Variants in CYP39A1 observed in about 807,000 individuals in gnomAD.
CYP39A1 encodes the protein 24-hydroxycholesterol 7-alpha-hydroxylase.
In CYP39A1, 49 loss-of-function variants were observed where a neutral mutation model predicts 58.1. That is an observed-to-expected ratio of 0.84 (90% CI 0.67 to 1.07). The LOEUF is 1.07. Among genes scored for constraint, CYP39A1 ranks in the 50% least tolerant of loss-of-function variants. The pLI, the probability that CYP39A1 is intolerant of heterozygous loss-of-function variation, is 0.00. For missense variants in CYP39A1, 531 were observed against 539.4 expected, an observed-to-expected ratio of 0.98 and a Z score of 0.16; for synonymous variants, 209 against 187.6, an observed-to-expected ratio of 1.11 and a Z score of -0.93.
At chr6:46,650,791 C>A (rs978893840) in intron 1 of CYP39A1, among the ~76,000 whole-genome samples, 5 of 152,078 alleles carry the variant, frequency 3.3e-5, no homozygotes, top group African/African-American at 1.2e-4. Context: ...GTTGGGATTA[C>A]AGGTGTGAGA....
At position 46,637,856 on chromosome 6, in the gene CYP39A1, C is replaced by T. The variant is rs140524444; in HGVS notation, c.611G>A (p.Gly204Glu). The part of the protein sequence containing the change: ...FQVYDEDFEY[G>E]SQLPECLLRN... ...TAGAAGACACTCTGGCAACTGGGAC[C>T]CATACTCAAAATCTTCATCATAAAC... Residue 204 changes from glycine (G) to glutamate (E), a missense_variant, in exon 4 of 12, where the codon GGG (glycine) becomes GAG (glutamate). Transcript: ENST00000275016. The T allele has an allele frequency of 7.8e-5, 126 of 1,612,250 alleles. No homozygotes were observed. The East Asian group carries it at 2.7e-3, about 35-fold the overall frequency.
Position 46,605,573 on chromosome 6 carries a change from G to A in CYP39A1, c.932-9453C>T, listed in dbSNP as rs73469126. On this transcript the variant is annotated intron_variant, in intron 7 of 11. Coordinates refer to ENST00000275016, the MANE Select transcript of CYP39A1 (RefSeq NM_016593.5). Reference sequence around the variant, plus strand: ...CAGAAAACGTGGCAGACACGCAGAAGGGAAAGAGTTTAGAAATTGCAAAAT... The same window carrying A: ...CAGAAAACGTGGCAGACACGCAGAAAGGAAAGAGTTTAGAAATTGCAAAAT... Among the ~76,000 whole-genome samples the A allele has an allele frequency of 6.3e-3, 965 of 152,258 alleles. 12 individuals carry two copies. The highest frequency in any genetic ancestry group is 0.022 in the African/African-American group (900 of 41,558).
intron 1 of CYP39A1, among the ~76,000 whole-genome samples, chr6:46,648,025 A>G (rs1762437415): frequency 6.6e-6 from 1 of 152,188 alleles, no homozygotes; most frequent in African/African-American, 2.4e-5. Context: ...GGTGCTGGAG[A>G]GCATGTGGAG....
rs79934798 is a variant in CYP39A1, at chr6:46,639,826, T to C, written c.314-158A>G. ...AATAAAAGTAGATAAAGATTCAACC[T>C]ATTCTCGACTGAGTGTGGTGGCTCA... On this transcript the variant is annotated intron_variant, in intron 2 of 11. Transcript: ENST00000275016. 7.5e-3 allele frequency among the ~76,000 whole-genome samples: 1,138 copies of C among 152,334 alleles called. 12 individuals are homozygous for C. Among genetic ancestry groups the C allele is most frequent in the African/African-American group, 0.025 (1,060 of 41,570 alleles).
chr6:46,583,570 C>T, intron 10 of CYP39A1: 1 of 985,368 alleles, frequency 1.0e-6, no homozygotes, highest in Non-Finnish European at 1.2e-6. Context: ...CTGCTCTTTC[C>T]TGTTTGTTTT....
intron 7 of CYP39A1, among the ~76,000 whole-genome samples, chr6:46,600,456 T>C (rs1466146602): frequency 6.6e-6 from 1 of 151,998 alleles, no homozygotes; most frequent in Non-Finnish European, 1.5e-5. Flanking sequence ...ACTATGCTAA[T>C]GAAGTGACTC....
At chr6:46,594,244 C>G (rs1773010672) in intron 8 of CYP39A1, among the ~76,000 whole-genome samples, 1 of 152,010 alleles carries the variant, frequency 6.6e-6, no homozygotes, top group Non-Finnish European at 1.5e-5. Context: ...TTATTAATAA[C>G]CTGTTCTAGG....
intron 8 of CYP39A1, among the ~76,000 whole-genome samples, chr6:46,592,602 T>A (rs1475254664): frequency 1.3e-5 from 2 of 152,164 alleles, no homozygotes; most frequent in Non-Finnish European, 2.9e-5. Context: ...GTATACTATA[T>A]CCATATATTA....
In CYP39A1 at chr6:46,587,220, C is replaced by G. The variant is rs1772524068; in HGVS notation, c.1162-55G>C. 7.9e-6 allele frequency: 9 copies of G among 1,132,970 alleles called. No homozygotes were observed. The South Asian group carries it at 1.1e-4, about 13-fold the overall frequency. 70.2% of individuals were successfully genotyped at this position (1,132,970 alleles called of 1,614,324 possible). ...ATCAGCCTTATATAAATAAGCTTAA[C>G]TTTATTTCTCTAGGCTAAAAATGAC... is the stretch of plus-strand genomic sequence containing the variant. On this transcript the variant is annotated intron_variant, in intron 9 of 11. Transcript: ENST00000275016.
intron 6 of CYP39A1, among the ~76,000 whole-genome samples, chr6:46,627,886 ATTT>A (rs1775419051): frequency 1.3e-5 from 2 of 152,334 alleles, no homozygotes; most frequent in South Asian, 4.1e-4. Flanking sequence ...GTGCACCCAC[ATTT>A]GGGAAAGGGG....
At chr6:46,564,138 C>T (rs183612898) in intron 10 of CYP39A1, among the ~76,000 whole-genome samples, 7,730 of 118,684 alleles carry the variant, frequency 0.065, 667 homozygotes, top group African/African-American at 0.21. Flanking sequence ...CTATTTTATT[C>T]TATTCTATTT....
chr6:46,590,108 T>C (rs1772740204), intron 8 of CYP39A1, among the ~76,000 whole-genome samples: 1 of 152,158 alleles, frequency 6.6e-6, no homozygotes, highest in East Asian at 1.9e-4. Flanking sequence ...GCAGACATCA[T>C]CACGCCCAGC....
At chr6:46,570,935 T>TG (rs1298144842) in intron 10 of CYP39A1, among the ~76,000 whole-genome samples, 2 of 152,198 alleles carry the variant, frequency 1.3e-5, no homozygotes, top group Admixed American at 1.3e-4. Context: ...TATGTTTCCA[T>TG]TTTTACTTGT....
chr6:46,641,439 T>C (rs1776331603), intron 2 of CYP39A1, among the ~76,000 whole-genome samples: 2 of 151,602 alleles, frequency 1.3e-5, no homozygotes, highest in African/African-American at 4.9e-5. Flanking sequence ...AAAGGTTACA[T>C]GAAAAGGAAC....
chr6:46,563,497 A>G (rs1429063160), intron 10 of CYP39A1, among the ~76,000 whole-genome samples: 1 of 152,216 alleles, frequency 6.6e-6, no homozygotes, highest in African/African-American at 2.4e-5. Flanking sequence ...GTATTTAAAT[A>G]CTTCATTAAG....
Position 46,625,535 on chromosome 6 carries a change from A to C in CYP39A1, c.841-27T>G, listed in dbSNP as rs201839556. ...TTAAAAAGAAAAACATATATCAAAA[A>C]TATGAACTTCTTTGAAGGTGAACAA... On this transcript the variant is annotated intron_variant, in intron 6 of 11. Transcript: ENST00000275016. The C allele has an allele frequency of 5.0e-4, 776 of 1,540,738 alleles. 4 individuals carry two copies. The African/African-American group carries it at 9.5e-3, about 19-fold the overall frequency.
chr6:46,562,556 T>C (rs1771039564), intron 10 of CYP39A1, among the ~76,000 whole-genome samples: 1 of 151,740 alleles, frequency 6.6e-6, no homozygotes, highest in Admixed American at 6.6e-5. Flanking sequence ...TCACTTGAGC[T>C]CAGGAGTTGG....
intron 1 of CYP39A1, among the ~76,000 whole-genome samples, chr6:46,646,858 T>C (rs1230394173): frequency 6.6e-6 from 1 of 152,116 alleles, no homozygotes; most frequent in Non-Finnish European, 1.5e-5. Flanking sequence ...TTATTCATAG[T>C]ATTTTCTTAT....
At chr6:46,608,938 TTATAGATAGCGAG>T (rs1774023962) in intron 7 of CYP39A1, among the ~76,000 whole-genome samples, 1 of 152,078 alleles carries the variant, frequency 6.6e-6, no homozygotes. Context: ...TAACAGTTAT[TTATAGATAGCGAG>T]AATGGGCTGG....
Sources: gnomAD v4.1 joint callset for allele counts (sites outside exome capture counted in the v4.1 genomes callset) on GRCh38, gnomAD v4.1.1 for gene constraint, MANE v1.5 for transcripts, NCBI Gene and HGNC (gene_info 2026-07-23, HGNC 2026-07-21) for gene names.